GPHN: variants seen among roughly 807,000 people sequenced by gnomAD.
The protein encoded by GPHN is gephyrin.
Under a neutral mutation model 95.5 loss-of-function variants are expected in GPHN, and 17 were observed. That is an observed-to-expected ratio of 0.18 (90% confidence interval 0.12 to 0.27). GPHN has a LOEUF of 0.27. GPHN is among the 10% of genes least tolerant of loss of function. The probability of loss-of-function intolerance (pLI) is 1.00; values close to 1 mark genes in which losing one functional copy is unlikely to be tolerated. For synonymous variants in GPHN, 320 were observed against 322.5 expected (o/e 0.99, Z 0.08); for missense variants, 660 against 978.1 (o/e 0.67, Z 4.34).
chr14:66,692,096 T>G (rs1390672309), intron 2 of GPHN, among the ~76,000 whole-genome samples: 1 of 152,186 alleles, frequency 6.6e-6, no homozygotes, highest in East Asian at 1.9e-4. Flanking sequence ...TTCTGTGGGT[T>G]TTGCAGATGC....
At chr14:67,380,713 C>T in the GPHN span, 1 of 1,585,130 alleles carries the variant, frequency 6.3e-7, no homozygotes, top group East Asian at 2.3e-5. Context: ...GGGAAGTACT[C>T]ATTAATAATA....
chr14:66,807,373 T>A (rs1312312751), intron 3 of GPHN, among the ~76,000 whole-genome samples: 2 of 152,190 alleles, frequency 1.3e-5, no homozygotes, highest in South Asian at 2.1e-4. Context: ...CTCTATTTCA[T>A]AAGTGAGAAA....
At chr14:67,637,238 C>T in the GPHN span, among the ~76,000 whole-genome samples, 2 of 151,700 alleles carry the variant, frequency 1.3e-5, no homozygotes, top group South Asian at 2.1e-4. Flanking sequence ...GGCGAAACCT[C>T]GTCTCTACTA....
At chr14:67,031,243 A>C (rs1043341027) in intron 10 of GPHN, among the ~76,000 whole-genome samples, 4 of 152,180 alleles carry the variant, frequency 2.6e-5, no homozygotes, top group Non-Finnish European at 5.9e-5. Context: ...CTATTAAGAA[A>C]CATGAATTTT....
At position 66,685,998 on chromosome 14, in the gene GPHN, T is replaced by A. The variant is rs571665073; in HGVS notation, c.143+4813T>A. ...AGTTTTCCCAGCACCATTTATTAAA[T>A]AGGGAATCCTTTCCCCATTGCTTGT... On this transcript the variant is annotated intron_variant, in intron 2 of 22. Transcript: ENST00000478722. 3.7e-3 allele frequency among the ~76,000 whole-genome samples: 555 copies of A among 151,776 alleles called. 12 individuals carry two copies. Among genetic ancestry groups the A allele is most frequent in the African/African-American group, 0.013 (529 of 41,202 alleles).
intron 8 of GPHN, among the ~76,000 whole-genome samples, chr14:66,952,285 A>G (rs927417548): frequency 6.6e-6 from 1 of 152,238 alleles, no homozygotes; most frequent in Non-Finnish European, 1.5e-5. Flanking sequence ...GCAATCATAC[A>G]ATATGTAACT....
chr14:67,607,988 G>A, the GPHN span, among the ~76,000 whole-genome samples: 3 of 152,106 alleles, frequency 2.0e-5, no homozygotes, highest in Admixed American at 6.5e-5. Context: ...TGTAATCTCA[G>A]CACTTTGGGA....
At chr14:67,432,571 C>T in the GPHN span, among the ~76,000 whole-genome samples, 2 of 152,196 alleles carry the variant, frequency 1.3e-5, no homozygotes, top group Non-Finnish European at 2.9e-5. Flanking sequence ...AAGTCAGCAG[C>T]GGGCAAGCTC....
At chr14:66,616,335 C>G (rs2063030185) in intron 1 of GPHN, among the ~76,000 whole-genome samples, 1 of 118,116 alleles carries the variant, frequency 8.5e-6, no homozygotes, top group Non-Finnish European at 1.6e-5. Context: ...TTGATTCTTT[C>G]TCATCTTTGT....
chr14:67,345,929 T>C, the GPHN span: 1 of 1,107,822 alleles, frequency 9.0e-7, no homozygotes, highest in Non-Finnish European at 1.4e-6. Flanking sequence ...CCCTATAAAA[T>C]TCCCCAAAAG....
the GPHN span, among the ~76,000 whole-genome samples, chr14:67,666,127 C>T: frequency 6.6e-6 from 1 of 152,204 alleles, no homozygotes; most frequent in African/African-American, 2.4e-5. Flanking sequence ...ACTCCTGATC[C>T]AAGCCAGACA....
At chr14:66,729,692 T>G (rs1465147737) in intron 2 of GPHN, among the ~76,000 whole-genome samples, 1 of 152,172 alleles carries the variant, frequency 6.6e-6, no homozygotes, top group East Asian at 1.9e-4. Context: ...GATATGAAAA[T>G]CTGAATGTGG....
chr14:66,962,026 C>G (rs1026809459), intron 8 of GPHN, among the ~76,000 whole-genome samples: 2 of 145,710 alleles, frequency 1.4e-5, no homozygotes, highest in African/African-American at 2.5e-5. Flanking sequence ...ATAATGTCCT[C>G]AAAATGAAAA....
chr14:67,664,464 AC>A, the GPHN span, among the ~76,000 whole-genome samples: 1 of 151,498 alleles, frequency 6.6e-6, no homozygotes, highest in South Asian at 2.1e-4. Context: ...ACTCCTAAAC[AC>A]AAGCCAGCAG....
intron 9 of GPHN, chr14:66,996,146 C>T (rs2071774504): frequency 1.3e-6 from 2 of 1,492,334 alleles, no homozygotes; most frequent in Non-Finnish European, 1.8e-6. Flanking sequence ...TCCTCTTTAA[C>T]AGTGTTTTCT....
chr14:67,101,857 T>TTTA (rs1245204634), intron 13 of GPHN, among the ~76,000 whole-genome samples: 1 of 147,644 alleles, frequency 6.8e-6, no homozygotes. Context: ...GTATTATTTA[T>TTTA]TTATTTATTT....
chr14:66,680,227 C>G (rs10136366), intron 1 of GPHN, among the ~76,000 whole-genome samples: 47,341 of 152,088 alleles, frequency 0.31, 11,201 homozygotes, highest in African/African-American at 0.64. Flanking sequence ...AGATTTTACT[C>G]TACCTTTCTG....
At chr14:67,269,835 T>C in the GPHN span, 1 of 152,628 alleles carries the variant, frequency 6.6e-6, no homozygotes, top group Non-Finnish European at 1.5e-5. Flanking sequence ...CTGACAAAGC[T>C]GTTTCTATGG....
intron 6 of GPHN, among the ~76,000 whole-genome samples, chr14:66,919,388 A>T (rs1678864217): frequency 6.6e-6 from 1 of 152,204 alleles, no homozygotes; most frequent in South Asian, 2.1e-4. Flanking sequence ...GAAGATGGGA[A>T]AAGAAGTAGA....
Sources: allele counts gnomAD v4.1 joint callset (sites outside exome capture counted in the v4.1 genomes callset), GRCh38; gene constraint gnomAD v4.1.1; transcripts MANE v1.5; gene names NCBI Gene and HGNC (gene_info 2026-07-23, HGNC 2026-07-21).